TAFA1: variants seen among roughly 807,000 people sequenced by gnomAD.
The protein encoded by TAFA1 is TAFA chemokine like family member 1, also known as chemokine-like protein TAFA-1.
TAFA1 carries 4 observed loss-of-function variants against 18.5 expected under a neutral mutation model. The ratio of observed to expected loss-of-function variants is 0.22; its 90% CI spans 0.11 to 0.49. TAFA1 has a LOEUF of 0.49. Among genes scored for constraint, TAFA1 ranks in the 20% least tolerant of loss-of-function variants. The pLI is 0.98. For missense variants in TAFA1, 147 were observed against 169.0 expected, an observed-to-expected ratio of 0.87 and a Z score of 0.72; for synonymous variants, 56 against 55.2, an observed-to-expected ratio of 1.01 and a Z score of -0.06.
intron 2 of TAFA1, among the ~76,000 whole-genome samples, chr3:68,390,366 T>C (rs906742422): frequency 7.9e-5 from 12 of 152,140 alleles, no homozygotes; most frequent in Admixed American, 4.6e-4. Flanking sequence ...CAGGGACTTA[T>C]ATATAAAACT....
At chr3:68,167,803 A>G (rs1313993463) in intron 2 of TAFA1, among the ~76,000 whole-genome samples, 1 of 152,076 alleles carries the variant, frequency 6.6e-6, no homozygotes, top group Non-Finnish European at 1.5e-5. Context: ...TACTTCCAAG[A>G]TAGGGTGGAG....
At chr3:68,472,428 A>T (rs1031725460) in intron 3 of TAFA1, among the ~76,000 whole-genome samples, 32 of 152,142 alleles carry the variant, frequency 2.1e-4, no homozygotes, top group Admixed American at 2.0e-3. Flanking sequence ...GTCTTTATTA[A>T]CAGCATAAGA....
At chr3:68,023,408 C>G (rs62249393) in intron 2 of TAFA1, among the ~76,000 whole-genome samples, 5,197 of 152,178 alleles carry the variant, frequency 0.034, 124 homozygotes, top group Non-Finnish European at 0.054. Flanking sequence ...AATGCCTTGA[C>G]TTGGAAGTAA....
intron 4 of TAFA1, among the ~76,000 whole-genome samples, chr3:68,541,288 T>C (rs1362156215): frequency 2.0e-5 from 3 of 152,170 alleles, no homozygotes; most frequent in Non-Finnish European, 2.9e-5. Context: ...AAATTTGCAA[T>C]GAAATAAGCA....
chr3:68,069,087 A>C (rs1355407668), intron 2 of TAFA1, among the ~76,000 whole-genome samples: 1 of 152,188 alleles, frequency 6.6e-6, no homozygotes, highest in African/African-American at 2.4e-5. Flanking sequence ...CATTGTAATG[A>C]AGGTGTTGCT....
intron 2 of TAFA1, among the ~76,000 whole-genome samples, chr3:68,317,639 G>A (rs936647404): frequency 1.3e-5 from 2 of 152,140 alleles, no homozygotes; most frequent in African/African-American, 2.4e-5. Context: ...CCTGGAATAT[G>A]CCAGATGCTT....
intron 2 of TAFA1, among the ~76,000 whole-genome samples, chr3:68,372,333 G>T (rs1417153475): frequency 6.6e-6 from 1 of 152,096 alleles, no homozygotes; most frequent in Non-Finnish European, 1.5e-5. Context: ...GCAGTATGAT[G>T]GTTTAGTGAC....
chr3:68,467,274 A>C (rs1183633972), intron 3 of TAFA1, among the ~76,000 whole-genome samples: 1 of 152,180 alleles, frequency 6.6e-6, no homozygotes, highest in African/African-American at 2.4e-5. Flanking sequence ...CAGCTTAAGA[A>C]GATGATAGGA....
At chr3:68,027,555 A>G (rs895632879) in intron 2 of TAFA1, among the ~76,000 whole-genome samples, 1 of 152,178 alleles carries the variant, frequency 6.6e-6, no homozygotes, top group Non-Finnish European at 1.5e-5. Context: ...AGGCAGCTGT[A>G]TCAGCCTGCC....
chr3:68,512,551 G>A (rs1322973620), intron 3 of TAFA1, among the ~76,000 whole-genome samples: 1 of 152,080 alleles, frequency 6.6e-6, no homozygotes, highest in African/African-American at 2.4e-5. Flanking sequence ...ACTTCATTCT[G>A]TGCTCCTGAC....
At chr3:68,098,810 T>C (rs2065116347) in intron 2 of TAFA1, among the ~76,000 whole-genome samples, 1 of 152,070 alleles carries the variant, frequency 6.6e-6, no homozygotes, top group Non-Finnish European at 1.5e-5. Flanking sequence ...AACAGATGTA[T>C]AGACCAATGG....
At chr3:68,518,122 TC>T (rs2072953830) in intron 3 of TAFA1, among the ~76,000 whole-genome samples, 1 of 152,210 alleles carries the variant, frequency 6.6e-6, no homozygotes, top group Non-Finnish European at 1.5e-5. Flanking sequence ...ATTGCAGACA[TC>T]CCTTTTTCAA....
chr3:68,480,896 G>A (rs910125636), intron 3 of TAFA1, among the ~76,000 whole-genome samples: 4 of 152,084 alleles, frequency 2.6e-5, no homozygotes, highest in African/African-American at 7.2e-5. Flanking sequence ...TACTGTTCTC[G>A]TGGTAGTGAA....
At chr3:68,237,473 A>ATAGT (rs1202463047) in intron 2 of TAFA1, among the ~76,000 whole-genome samples, 1 of 152,184 alleles carries the variant, frequency 6.6e-6, no homozygotes, top group Non-Finnish European at 1.5e-5. Flanking sequence ...GCTCAAGTAG[A>ATAGT]TAGTTGACTC....
chr3:68,020,486 G>A lies in TAFA1; in HGVS notation c.118+13742G>A, dbSNP rs550179732. Among the ~76,000 whole-genome samples the A allele has an allele frequency of 2.7e-3, 414 of 151,926 alleles. 4 individuals are homozygous for A. The highest frequency in any genetic ancestry group is 9.3e-3 in the African/African-American group (387 of 41,530). Reference sequence around the variant, plus strand: ...GATAATGTGTATTCTGTAAGAAATAGAGACAATGTTTGTTCTACACTTGCC... The same window carrying A: ...GATAATGTGTATTCTGTAAGAAATAAAGACAATGTTTGTTCTACACTTGCC... On this transcript the variant is annotated intron_variant, in intron 2 of 4. Transcript: ENST00000478136.
intron 2 of TAFA1, among the ~76,000 whole-genome samples, chr3:68,270,715 G>A (rs2067649025): frequency 6.6e-6 from 1 of 152,128 alleles, no homozygotes; most frequent in Admixed American, 6.6e-5. Flanking sequence ...GGAACAAGAG[G>A]GAAGGTCAAA....
chr3:68,321,988 GT>G (rs976695448), intron 2 of TAFA1, among the ~76,000 whole-genome samples: 1 of 152,108 alleles, frequency 6.6e-6, no homozygotes, highest in African/African-American at 2.4e-5. Context: ...CAAAGACAGA[GT>G]TTTTTTCCCA....
intron 2 of TAFA1, among the ~76,000 whole-genome samples, chr3:68,122,981 G>C (rs568624272): frequency 1.3e-5 from 2 of 149,834 alleles, no homozygotes; most frequent in East Asian, 4.1e-4. Flanking sequence ...CTACTAGAAA[G>C]AGCAGTAAAG....
At chr3:68,302,571 G>T (rs2068323529) in intron 2 of TAFA1, among the ~76,000 whole-genome samples, 2 of 149,028 alleles carry the variant, frequency 1.3e-5, no homozygotes, top group African/African-American at 5.0e-5. Context: ...TTGAATCTTT[G>T]TTCTCTTATT....
Sources: gnomAD v4.1 joint callset for allele counts (sites outside exome capture counted in the v4.1 genomes callset) on GRCh38, gnomAD v4.1.1 for gene constraint, MANE v1.5 for transcripts, NCBI Gene and HGNC (gene_info 2026-07-23, HGNC 2026-07-21) for gene names.